INPP4B: variants seen among roughly 807,000 people sequenced by gnomAD.
INPP4B encodes the protein inositol polyphosphate 4-phosphatase type II.
A neutral mutation model predicts 122.5 loss-of-function variants in INPP4B; 55 were observed. The ratio of observed to expected loss-of-function variants is 0.45; its 90% CI spans 0.36 to 0.56. The LOEUF is 0.56. Ranked by LOEUF, INPP4B falls within the 20% of genes least tolerant of loss-of-function variation. The pLI is 0.00. For missense variants in INPP4B, 1,000 were observed against 1,097.7 expected, an observed-to-expected ratio of 0.91 and a Z score of 1.26; for synonymous variants, 403 against 388.7, an observed-to-expected ratio of 1.04 and a Z score of -0.43.
At chr4:142,260,283 T>C (rs1039227918) in intron 11 of INPP4B, among the ~76,000 whole-genome samples, 1 of 152,100 alleles carries the variant, frequency 6.6e-6, no homozygotes, top group Non-Finnish European at 1.5e-5. Context: ...CGCGCCTGGC[T>C]GACCATATTT....
chr4:142,128,546 GA>G (rs796065538), intron 18 of INPP4B, among the ~76,000 whole-genome samples: 12 of 152,238 alleles, frequency 7.9e-5, no homozygotes, highest in African/African-American at 2.9e-4. Flanking sequence ...AACACTAAGT[GA>G]ATGTTTTAGT....
intron 2 of INPP4B, among the ~76,000 whole-genome samples, chr4:142,561,107 G>C (rs1189329389): frequency 6.6e-6 from 1 of 152,036 alleles, no homozygotes. Context: ...ATATATGTTA[G>C]AGCTAAACTC....
chr4:142,330,740 A>G (rs1774148609), intron 7 of INPP4B, among the ~76,000 whole-genome samples: 1 of 152,204 alleles, frequency 6.6e-6, no homozygotes, highest in Admixed American at 6.5e-5. Flanking sequence ...AACATTTAAA[A>G]TTCTTAACAG....
chr4:142,741,778 G>A (rs1291358773), intron 1 of INPP4B, among the ~76,000 whole-genome samples: 3 of 151,818 alleles, frequency 2.0e-5, no homozygotes, highest in African/African-American at 4.8e-5. Context: ...AAGAAAATAG[G>A]AAGTTCTAAT....
At chr4:142,590,529 A>G (rs1737202699) in intron 2 of INPP4B, among the ~76,000 whole-genome samples, 1 of 152,172 alleles carries the variant, frequency 6.6e-6, no homozygotes, top group African/African-American at 2.4e-5. Context: ...CCGAAATTGA[A>G]AAATTAAGGA....
chr4:142,395,003 C>T (rs1326263843), intron 7 of INPP4B, among the ~76,000 whole-genome samples: 1 of 152,214 alleles, frequency 6.6e-6, no homozygotes, highest in Non-Finnish European at 1.5e-5. Context: ...ATCAAAAAGT[C>T]AGTCTTTCTC....
rs569542394 is a variant in INPP4B at position 142,317,181 on chromosome 4, T to C, written c.373-2419A>G. 34 of 187,540 alleles carry C rather than the reference T, an allele frequency of 1.8e-4. No individual in the cohort carries two copies. In the South Asian group the frequency reaches 3.1e-3, roughly 17 times the overall value. 11.6% of individuals were successfully genotyped at this position (187,540 alleles called of 1,614,324 possible). On this transcript the variant is annotated intron_variant, in intron 7 of 25. Coordinates refer to ENST00000262992, the MANE Select transcript of INPP4B (RefSeq NM_001101669.3). The stretch of plus-strand genomic sequence containing the variant: ...CAGAGTTTTATGTAACAAGCATCTG[T>C]CATAGAGTTCAGGGGGAAGAGTAAG...
chr4:142,319,247 A>C (rs568706430), intron 7 of INPP4B, among the ~76,000 whole-genome samples: 26 of 152,192 alleles, frequency 1.7e-4, no homozygotes, highest in Middle Eastern at 6.8e-3. Flanking sequence ...AGAGGGAAAG[A>C]CATTGGTTAT....
chr4:142,696,734 T>C (rs1051362538), intron 2 of INPP4B, among the ~76,000 whole-genome samples: 4 of 152,180 alleles, frequency 2.6e-5, no homozygotes, highest in Admixed American at 1.3e-4. Flanking sequence ...TAATTCACCA[T>C]GTCCTTTACA....
intron 15 of INPP4B, among the ~76,000 whole-genome samples, chr4:142,174,774 G>A (rs1827288293): frequency 1.3e-5 from 2 of 152,052 alleles, no homozygotes; most frequent in South Asian, 2.1e-4. Flanking sequence ...ACAGGTACAA[G>A]CCATCACACC....
chr4:142,415,629 T>G (rs992500540), intron 5 of INPP4B, among the ~76,000 whole-genome samples: 1 of 151,990 alleles, frequency 6.6e-6, no homozygotes. Context: ...GAAATACCAT[T>G]TGACCCAGCA....
rs543189180 is a variant in INPP4B, at chr4:142,290,450, C to T, written c.503+15008G>A. ...CGTGAACTCCTGACCTGGTGATCGA[C>T]CTGCCTCGGCCTCCCAAAGTGCTGG... On this transcript the variant is annotated intron_variant, in intron 9 of 25. Coordinates refer to ENST00000262992, the MANE Select transcript of INPP4B (RefSeq NM_001101669.3). Among the ~76,000 whole-genome samples, 3 of 152,120 alleles carry T rather than the reference C, an allele frequency of 2.0e-5. No individual in the cohort carries two copies. The South Asian group carries it at 6.2e-4, about 32-fold the overall frequency.
At chr4:142,585,310 G>A (rs1465395442) in intron 2 of INPP4B, among the ~76,000 whole-genome samples, 1 of 152,160 alleles carries the variant, frequency 6.6e-6, no homozygotes, top group East Asian at 1.9e-4. Flanking sequence ...TATCTTGGCT[G>A]TCAAATGCTC....
Position 142,161,581 on chromosome 4 carries a change from A to C in INPP4B, c.1360-1020T>G, listed in dbSNP as rs560805654. Among the ~76,000 whole-genome samples the C allele has an allele frequency of 1.2e-4, 19 of 152,024 alleles. No homozygotes were observed. In the East Asian group the frequency reaches 3.7e-3, roughly 30 times the overall value. On this transcript the variant is annotated intron_variant, in intron 16 of 25. Transcript: ENST00000262992. ...CTGGCTTCACCATTGATATAACTCA[A>C]CATCATTATTTCTTGGTGCACTCTC...
chr4:142,289,918 A>G (rs1193908604), intron 9 of INPP4B, among the ~76,000 whole-genome samples: 1 of 152,102 alleles, frequency 6.6e-6, no homozygotes, highest in Non-Finnish European at 1.5e-5. Context: ...TTTCTTCAAA[A>G]TGTATCCAGA....
At chr4:142,683,672 C>A (rs1002936394) in intron 2 of INPP4B, among the ~76,000 whole-genome samples, 2 of 151,618 alleles carry the variant, frequency 1.3e-5, no homozygotes, top group African/African-American at 4.8e-5. Context: ...GGGAATGAAG[C>A]CAGACAATGC....
At chr4:142,215,891 TCAAAAAAAAAAAAAAAAAAAAAAAAAA>T (rs1561510061) in intron 12 of INPP4B, among the ~76,000 whole-genome samples, 1 of 35,418 alleles carries the variant, frequency 2.8e-5, no homozygotes, top group Non-Finnish European at 4.5e-5. Flanking sequence ...AGACTCTGTC[TCAAAAAAAAAAAAAAAAAAAAAAAAAA>T]AAAAAAAAAA....
chr4:142,214,403 G>A lies in INPP4B; in HGVS notation c.837-5377C>T, dbSNP rs141436413. Among the ~76,000 whole-genome samples, 75 of 152,270 alleles carry A rather than the reference G, an allele frequency of 4.9e-4. 1 individual carries two copies. The highest frequency in any genetic ancestry group is 6.8e-3 in the Middle Eastern group (2 of 294). On this transcript the variant is annotated intron_variant, in intron 12 of 25. Transcript: ENST00000262992. ...TAATACAGTCTGGATCTTCTGAGAT[G>A]TCCTTCTTGAACGGGCCCCACTTGT... is the stretch of plus-strand genomic sequence containing the variant.
intron 12 of INPP4B, among the ~76,000 whole-genome samples, chr4:142,215,363 T>C (rs1367037838): frequency 6.6e-6 from 1 of 152,148 alleles, no homozygotes; most frequent in South Asian, 2.1e-4. Context: ...ATGTAGGTTG[T>C]GAGTGGGATT....
Sources: gnomAD v4.1 joint callset for allele counts (sites outside exome capture counted in the v4.1 genomes callset) on GRCh38, gnomAD v4.1.1 for gene constraint, MANE v1.5 for transcripts, NCBI Gene and HGNC (gene_info 2026-07-23, HGNC 2026-07-21) for gene names.